Variants in CACNA1B observed in about 807,000 individuals in gnomAD.
CACNA1B encodes voltage-dependent N-type calcium channel subunit alpha-1B.
In CACNA1B, 70 loss-of-function variants were observed where a neutral mutation model predicts 247.2. That is an observed-to-expected ratio of 0.28 (90% CI 0.23 to 0.35). The LOEUF (loss-of-function observed/expected upper bound fraction) is 0.35. Among genes scored for constraint, CACNA1B ranks in the 10% least tolerant of loss-of-function variants. CACNA1B has a pLI of 1.00. For missense variants in CACNA1B, 2,367 were observed against 3,197.4 expected (o/e 0.74, Z 6.26); for synonymous variants, 1,231 against 1,294.4 (o/e 0.95, Z 1.05).
chr9:138,030,577 G>C (rs1271866378), intron 20 of CACNA1B, among the ~76,000 whole-genome samples: 1 of 152,132 alleles, frequency 6.6e-6, no homozygotes, highest in African/African-American at 2.4e-5. Flanking sequence ...TTTGGTATCA[G>C]AGTAATATTG....
chr9:138,086,373 A>G (rs1357687584), intron 36 of CACNA1B, among the ~76,000 whole-genome samples: 3 of 151,074 alleles, frequency 2.0e-5, no homozygotes, highest in Non-Finnish European at 4.4e-5. Flanking sequence ...AAAACTCTGA[A>G]AAGAAGCCCA....
At chr9:138,108,774 G>A (rs915354463) in intron 39 of CACNA1B, among the ~76,000 whole-genome samples, 5 of 151,774 alleles carry the variant, frequency 3.3e-5, no homozygotes, top group South Asian at 2.1e-4. Context: ...TCAGCCTCCC[G>A]AGTAGCTGGG....
Position 138,025,120 on chromosome 9 carries a change from A to G in CACNA1B, c.3234A>G (p.Val1078=). The part of the protein sequence containing the change: ...GSQPPDPNTI[V]HIPVMLTGPL... ...AGCCCCCAGACCCGAACACTATTGTACATATCCCAGTGATGCTGACGGGCC... is the reference window on the plus strand; with the variant it reads ...AGCCCCCAGACCCGAACACTATTGTGCATATCCCAGTGATGCTGACGGGCC... The change falls in exon 20 of 47, where the codon GTA becomes GTG. Residue 1078 remains valine (V), a synonymous_variant. Coordinates refer to ENST00000371372, the MANE Select transcript of CACNA1B (RefSeq NM_000718.4). 6.2e-7 allele frequency: 1 copy of G among 1,613,464 alleles called. No individual in the cohort carries two copies. The highest frequency in any genetic ancestry group is 8.5e-7 in the Non-Finnish European group (1 of 1,179,686).
At chr9:138,016,781 G>T (rs1446284858) in intron 18 of CACNA1B, among the ~76,000 whole-genome samples, 3 of 152,222 alleles carry the variant, frequency 2.0e-5, no homozygotes. Context: ...GGTGCAGGGG[G>T]CTGTTTGGAA....
At chr9:138,070,178 C>A (rs1960073365) in intron 32 of CACNA1B, among the ~76,000 whole-genome samples, 1 of 152,216 alleles carries the variant, frequency 6.6e-6, no homozygotes, top group Non-Finnish European at 1.5e-5. Flanking sequence ...CCTGCTGTGT[C>A]CCCATCAAGC....
At chr9:138,025,233 T>G in intron 20 of CACNA1B, 61 bp downstream of exon 20, 3 of 1,134,966 alleles carry the variant, frequency 2.6e-6, no homozygotes, top group Non-Finnish European at 3.9e-6. Context: ...GCAACCCCCA[T>G]TCCCTCCTGC....
chr9:137,893,375 G>T (rs1303505042), intron 3 of CACNA1B, among the ~76,000 whole-genome samples: 1 of 151,210 alleles, frequency 6.6e-6, no homozygotes, highest in Non-Finnish European at 1.5e-5. Context: ...AAAACACTGG[G>T]TGCGGTGGCT....
In CACNA1B at chr9:138,112,378, C is replaced by T. The variant is rs550595423; in HGVS notation, c.5429-20C>T. 8.2e-6 allele frequency: 13 copies of T among 1,579,066 alleles called. No individual in the cohort carries two copies. Among genetic ancestry groups the T allele is most frequent in the African/African-American group, 2.7e-5 (2 of 74,434 alleles). ...TAACATCTCTGTCTTTTCCCCTTCC[C>T]CACCATCATCCTGGTGCAGCTGGGA... On this transcript the variant is annotated intron_variant, in intron 39 of 46. Transcript: ENST00000371372.
Position 138,114,473 on chromosome 9 carries a change from C to T in CACNA1B, c.5632C>T (p.Pro1878Ser), listed in dbSNP as rs745417071. The T allele has an allele frequency of 9.4e-5, 148 of 1,570,526 alleles. 15 individuals are homozygous for T. In the South Asian group the frequency reaches 1.7e-3, roughly 18 times the overall value. ...KTTRDQMQQA[P>S]GGLSQMGPVS... ...CACCAGAGACCAGATGCAGCAGGCT[C>T]CTGGAGGCCTCTCCCAGGTAGCTGG... Residue 1878 changes from proline (P) to serine (S), a missense_variant, in exon 41 of 47, where the codon CCT (proline) becomes TCT (serine). Physicochemically the swap from Pro to Ser is moderately conservative, Grantham distance 74 (BLOSUM62 -1). This residue lies in a region of CACNA1B where 773 missense variants were observed against 779.4 expected (regional missense o/e 0.99). Transcript: ENST00000371372.
intron 36 of CACNA1B, among the ~76,000 whole-genome samples, chr9:138,085,270 G>C (rs1194139939): frequency 1.3e-5 from 2 of 150,752 alleles, no homozygotes; most frequent in Non-Finnish European, 2.9e-5. Context: ...TCAGCAGTGA[G>C]TCTGATCAAG....
At chr9:137,902,667 C>T (rs1957252198) in intron 3 of CACNA1B, among the ~76,000 whole-genome samples, 1 of 152,200 alleles carries the variant, frequency 6.6e-6, no homozygotes, top group African/African-American at 2.4e-5. Context: ...GTGATATCCA[C>T]TGTTAATATT....
At position 138,086,992 on chromosome 9, in the gene CACNA1B, T is replaced by C. The variant is rs911558136; in HGVS notation, c.5094+8734T>C. On this transcript the variant is annotated intron_variant, in intron 36 of 46. Coordinates refer to ENST00000371372, the MANE Select transcript of CACNA1B (RefSeq NM_000718.4). ...TTTTCTAACAATAATAAAATAAAAC[T>C]AGAAATCAGTAACAAGGGGAGCTTT... 1.5e-4 allele frequency among the ~76,000 whole-genome samples: 23 copies of C among 151,078 alleles called. 1 individual carries two copies. Among genetic ancestry groups the C allele is most frequent in the African/African-American group, 5.6e-4 (23 of 40,768 alleles).
At chr9:137,965,854 A>G (rs1269627912) in intron 10 of CACNA1B, among the ~76,000 whole-genome samples, 1 of 152,212 alleles carries the variant, frequency 6.6e-6, no homozygotes, top group Non-Finnish European at 1.5e-5. Context: ...AAGTGTGGGG[A>G]TTACAGGCGT....
chr9:137,943,021 G>A (rs1957751007), intron 6 of CACNA1B, among the ~76,000 whole-genome samples: 1 of 150,698 alleles, frequency 6.6e-6, no homozygotes, highest in African/African-American at 2.4e-5. Context: ...CTGGTTAGTT[G>A]CCAGTGTGGG....
At chr9:137,921,829 C>T (rs1320908066) in intron 6 of CACNA1B, among the ~76,000 whole-genome samples, 6 of 146,610 alleles carry the variant, frequency 4.1e-5, no homozygotes, top group Non-Finnish European at 9.0e-5. Context: ...ACCACGACCG[C>T]ACAGCATCCT....
In CACNA1B at chr9:138,059,874, G is replaced by A. The variant is rs1417824044; in HGVS notation, c.4668+137G>A. 51 of 636,000 alleles carry A rather than the reference G, an allele frequency of 8.0e-5. No individual in the cohort carries two copies. Among genetic ancestry groups the A allele is most frequent in the Admixed American group, 1.1e-4 (4 of 35,610 alleles). 39.4% of individuals were successfully genotyped at this position (636,000 alleles called of 1,614,324 possible). A position where few individuals can be genotyped will look rare whatever the true frequency, so the allele number is the denominator to read the frequency against. ...AACCCCCTGGACATGTGGAGGCTTC[G>A]CTCCAGGGGTGGAGTTTAGGGATTG... On this transcript the variant is annotated intron_variant, in intron 31 of 46. Transcript: ENST00000371372. The surrounding 1 kb of genome is among the most constrained non-coding windows in gnomAD (Gnocchi z 4.2).
chr9:137,954,574 C>T lies in CACNA1B; in HGVS notation c.1071-1124C>T, dbSNP rs1201276035. 6.6e-6 allele frequency among the ~76,000 whole-genome samples: 1 copy of T among 152,154 alleles called. No individual in the cohort carries two copies. Among genetic ancestry groups the T allele is most frequent in the Non-Finnish European group, 1.5e-5 (1 of 68,022 alleles). ...ATGTCCTTGCCCTTCCCCTGCCCCC[C>T]AGGCCCTCTCATTCTCAGGGCATGG... On this transcript the variant is annotated intron_variant, in intron 7 of 46. Coordinates refer to ENST00000371372, the MANE Select transcript of CACNA1B (RefSeq NM_000718.4). This position sits in a 1 kb window ranked among gnomAD's most constrained non-coding sequence, Gnocchi z 4.1.
At chr9:137,902,413 C>G (rs1957250109) in intron 3 of CACNA1B, among the ~76,000 whole-genome samples, 1 of 152,146 alleles carries the variant, frequency 6.6e-6, no homozygotes, top group Non-Finnish European at 1.5e-5. Context: ...TTTCTAGAGC[C>G]TAAGGCTTCA....
intron 37 of CACNA1B, among the ~76,000 whole-genome samples, chr9:138,099,312 T>C (rs906424498): frequency 2.0e-5 from 3 of 150,774 alleles, no homozygotes; most frequent in African/African-American, 7.5e-5. Flanking sequence ...TGTTGACGTT[T>C]GTGTGTGCAC....
Sources: gnomAD v4.1 joint callset for allele counts (sites outside exome capture counted in the v4.1 genomes callset) on GRCh38, gnomAD v4.1.1 for gene constraint, gnomAD v4.1.1 regional missense constraint, Gnocchi (gnomAD v3.1) non-coding constraint, MANE v1.5 for transcripts, NCBI Gene and HGNC (gene_info 2026-07-23, HGNC 2026-07-21) for gene names.